The following APBB2 variants were observed in gnomAD, a reference collection of about 807,000 sequenced individuals.
APBB2 encodes Fe65-like 1.
Under a neutral mutation model 82.5 loss-of-function variants are expected in APBB2, and 38 were observed. The observed-to-expected ratio is 0.46, with a 90% CI of 0.36 to 0.60. APBB2 has a LOEUF of 0.60. Among genes scored for constraint, APBB2 ranks in the 20% least tolerant of loss-of-function variants. The pLI is 0.00. For missense variants in APBB2, 772 were observed against 972.3 expected (o/e 0.79, Z 2.74); for synonymous variants, 341 against 368.2 (o/e 0.93, Z 0.85).
chr4:41,139,687 A>G (rs1415677108), intron 2 of APBB2, among the ~76,000 whole-genome samples: 2 of 152,200 alleles, frequency 1.3e-5, no homozygotes, highest in Non-Finnish European at 2.9e-5. Context: ...CTATTGTATA[A>G]TTCTAACTAT....
intron 5 of APBB2, among the ~76,000 whole-genome samples, chr4:41,020,077 G>C (rs1811073764): frequency 6.6e-6 from 1 of 152,164 alleles, no homozygotes; most frequent in South Asian, 2.1e-4. Context: ...GCAGTAAAGA[G>C]AAAACAGTGT....
chr4:41,119,058 G>A (rs1350056644), intron 2 of APBB2, among the ~76,000 whole-genome samples: 1 of 152,038 alleles, frequency 6.6e-6, no homozygotes, highest in Non-Finnish European at 1.5e-5. Flanking sequence ...AAGATGGTTT[G>A]AGCCCTGGAG....
At position 41,033,249 on chromosome 4, in the gene APBB2, T is replaced by C; in HGVS notation, c.6A>G (p.Ser2=). The change falls in exon 5 of 18, where the codon TCA becomes TCG. Residue 2 remains serine, a synonymous_variant. Coordinates refer to ENST00000508593, the MANE Select transcript of APBB2 (RefSeq NM_004307.2). M[S]EVLPADSGVD... ...AATGTATCTGACCTGGAAGTACTTC[T>C]GACATGGATCACCAGGCGTCAGCAA... 1 of 1,596,764 alleles carries C rather than the reference T, an allele frequency of 6.3e-7. No individual in the cohort carries two copies. Among genetic ancestry groups the C allele is most frequent in the Non-Finnish European group, 8.6e-7 (1 of 1,166,694 alleles).
chr4:40,908,785 G>A (rs1293191608), intron 10 of APBB2, among the ~76,000 whole-genome samples: 1 of 152,178 alleles, frequency 6.6e-6, no homozygotes, highest in African/African-American at 2.4e-5. Context: ...CCTCAGAGCC[G>A]ACAATGGGGG....
chr4:41,131,795 T>A (rs2154006853), intron 2 of APBB2, among the ~76,000 whole-genome samples: 1 of 152,216 alleles, frequency 6.6e-6, no homozygotes, highest in Admixed American at 6.5e-5. Flanking sequence ...ATCCCAGCAC[T>A]TTGGGAGGCC....
rs887007442 is a variant in APBB2, at chr4:41,127,174, C to CA, written c.-261+15812dup. ...CCCAATGACACCCTGATTTTGATTA[C>CA]AAAAAAAAAAAGCAACATATCTTTT... On this transcript the variant is annotated intron_variant, in intron 2 of 17. Transcript: ENST00000508593. The surrounding 1 kb of genome is among the most constrained non-coding windows in gnomAD (Gnocchi z 4.8). Among the ~76,000 whole-genome samples the CA allele has an allele frequency of 5.1e-4, 72 of 139,930 alleles. No homozygotes were observed. Among genetic ancestry groups the CA allele is most frequent in the South Asian group, 1.6e-3 (7 of 4,364 alleles). 91.8% of individuals were successfully genotyped at this position (139,930 alleles called of 152,430 possible). A position where few individuals can be genotyped will look rare whatever the true frequency, so the allele number is the denominator to read the frequency against.
At chr4:41,040,373 CTCGGGTCCT>C (rs1272534517) in intron 4 of APBB2, among the ~76,000 whole-genome samples, 3 of 152,188 alleles carry the variant, frequency 2.0e-5, no homozygotes, top group African/African-American at 7.2e-5. Flanking sequence ...TATCAGATGA[CTCGGGTCCT>C]TCCAGCACTA....
At chr4:40,937,755 T>A (rs1199729979) in intron 7 of APBB2, among the ~76,000 whole-genome samples, 1 of 152,218 alleles carries the variant, frequency 6.6e-6, no homozygotes, top group Non-Finnish European at 1.5e-5. Flanking sequence ...TTTTCTTTTT[T>A]AAAAAATTAA....
At chr4:41,057,348 G>A (rs1257390510) in intron 4 of APBB2, among the ~76,000 whole-genome samples, 2 of 152,162 alleles carry the variant, frequency 1.3e-5, no homozygotes, top group Non-Finnish European at 2.9e-5. Context: ...CTACTCAGGA[G>A]GCTGAGGCAG....
At chr4:40,844,854 T>C (rs1757033863) in intron 12 of APBB2, among the ~76,000 whole-genome samples, 1 of 152,244 alleles carries the variant, frequency 6.6e-6, no homozygotes, top group South Asian at 2.1e-4. Context: ...TGACTTGCTT[T>C]TAATTACACC....
chr4:40,924,551 G>C (rs1343266141), intron 10 of APBB2, among the ~76,000 whole-genome samples: 1 of 152,116 alleles, frequency 6.6e-6, no homozygotes, highest in African/African-American at 2.4e-5. Context: ...CTGGACACCA[G>C]GTAAAAAGTA....
chr4:40,962,930 T>C (rs1021649345), intron 6 of APBB2, among the ~76,000 whole-genome samples: 1 of 152,214 alleles, frequency 6.6e-6, no homozygotes, highest in African/African-American at 2.4e-5. Context: ...TAAAATTATT[T>C]TCCTATGAGA....
chr4:40,851,478 C>A (rs1038975870), intron 12 of APBB2, among the ~76,000 whole-genome samples: 13 of 152,090 alleles, frequency 8.5e-5, no homozygotes, highest in Admixed American at 4.6e-4. Context: ...TTTCAGGTAA[C>A]CTGGCAAACA....
chr4:40,917,846 G>A (rs1452655587), intron 10 of APBB2, among the ~76,000 whole-genome samples: 2 of 152,226 alleles, frequency 1.3e-5, no homozygotes, highest in Non-Finnish European at 2.9e-5. Flanking sequence ...TACCAAGGGT[G>A]CTGTGTGCTT....
At chr4:41,028,056 C>T (rs368056928) in intron 5 of APBB2, among the ~76,000 whole-genome samples, 1 of 152,234 alleles carries the variant, frequency 6.6e-6, no homozygotes, top group African/African-American at 2.4e-5. Context: ...TCTATTATAG[C>T]CTGGCACGTG....
At chr4:41,156,821 T>A (rs1216976055) in intron 1 of APBB2, among the ~76,000 whole-genome samples, 1 of 152,092 alleles carries the variant, frequency 6.6e-6, no homozygotes, top group Admixed American at 6.5e-5. Context: ...ATCTCAGCAC[T>A]TTGTGAGGCC....
intron 4 of APBB2, among the ~76,000 whole-genome samples, chr4:41,035,764 A>T (rs1718909696): frequency 6.6e-6 from 1 of 152,234 alleles, no homozygotes; most frequent in African/African-American, 2.4e-5. Flanking sequence ...TGTACTGAAT[A>T]TGTACAGACT....
chr4:41,001,654 G>C (rs377039213), intron 6 of APBB2, among the ~76,000 whole-genome samples: 9 of 152,174 alleles, frequency 5.9e-5, no homozygotes, highest in East Asian at 5.8e-4. Context: ...AAGGCAGGCG[G>C]ATCACCTACG....
intron 1 of APBB2, among the ~76,000 whole-genome samples, chr4:41,210,268 T>C (rs1779006173): frequency 6.6e-6 from 1 of 152,160 alleles, no homozygotes; most frequent in East Asian, 1.9e-4. Flanking sequence ...ATCTCTAGAC[T>C]GGGACAAGAA....
Sources: gnomAD v4.1 joint callset for allele counts (sites outside exome capture counted in the v4.1 genomes callset) on GRCh38, gnomAD v4.1.1 for gene constraint, Gnocchi (gnomAD v3.1) non-coding constraint, MANE v1.5 for transcripts, NCBI Gene and HGNC (gene_info 2026-07-23, HGNC 2026-07-21) for gene names.